MTCL1: variants seen among roughly 807,000 people sequenced by gnomAD.
MTCL1 encodes the protein microtubule cross-linking factor 1.
A neutral mutation model predicts 141.4 loss-of-function variants in MTCL1; 79 were observed. The ratio of observed to expected loss-of-function variants is 0.56; its 90% CI spans 0.47 to 0.67. MTCL1 has a LOEUF of 0.67. Among genes scored for constraint, MTCL1 ranks in the 30% least tolerant of loss-of-function variants. The probability of loss-of-function intolerance (pLI) is 0.00; values close to 1 mark genes in which losing one functional copy is unlikely to be tolerated. For missense variants in MTCL1, 2,177 were observed against 2,113.9 expected (o/e 1.03, Z -0.59); for synonymous variants, 914 against 875.8 (o/e 1.04, Z -0.77).
chr18:8,772,180 C>A (rs1038768964), intron 4 of MTCL1, among the ~76,000 whole-genome samples: 1 of 152,224 alleles, frequency 6.6e-6, no homozygotes, highest in African/African-American at 2.4e-5. Flanking sequence ...TTGTGTAATG[C>A]AGTGGGATAC....
intron 5 of MTCL1, among the ~76,000 whole-genome samples, chr18:8,781,205 A>AGAAT (rs2096531597): frequency 7.3e-6 from 1 of 137,774 alleles, no homozygotes; most frequent in African/African-American, 2.7e-5. Flanking sequence ...AAAAAAAAAA[A>AGAAT]GAATGAATGA....
chr18:8,743,373 TC>T (rs1477907921), intron 4 of MTCL1, among the ~76,000 whole-genome samples: 1 of 152,240 alleles, frequency 6.6e-6, no homozygotes, highest in Non-Finnish European at 1.5e-5. Flanking sequence ...ATAGGTCCAG[TC>T]CTAAGCACAG....
At chr18:8,706,462 G>A (rs2096058674) in exon 1 of MTCL1, 1 of 1,258,676 alleles carries the variant, frequency 7.9e-7, no homozygotes, top group Non-Finnish European at 1.0e-6. Flanking sequence ...CGAGCCCCCA[G>A]CGCTCCTCGC....
intron 10 of MTCL1, 26 bp downstream of exon 9, chr18:8,798,317 G>A (rs747375664): frequency 4.8e-6 from 7 of 1,468,016 alleles, no homozygotes; most frequent in Middle Eastern, 1.9e-4. Context: ...CGAGCCTGTC[G>A]CCCTGCCCAC....
chr18:8,709,041 T>G (rs1204727501), intron 1 of MTCL1, among the ~76,000 whole-genome samples: 1 of 152,190 alleles, frequency 6.6e-6, no homozygotes, highest in Non-Finnish European at 1.5e-5. Context: ...CTACAGGTCG[T>G]GGAGCCTGCC....
chr18:8,741,742 T>A (rs775219152), intron 4 of MTCL1, among the ~76,000 whole-genome samples: 22 of 152,232 alleles, frequency 1.4e-4, no homozygotes, highest in Non-Finnish European at 2.9e-4. Context: ...CGGGAGTTTA[T>A]TTCTCAGTGG....
At chr18:8,824,739 A>G (rs1166023223) in exon 15 of MTCL1, 1 of 1,614,000 alleles carries the variant, frequency 6.2e-7, no homozygotes, top group Admixed American at 1.7e-5. Flanking sequence ...CCAGCGTCTA[A>G]TGGACATCTC....
chr18:8,777,715 C>T, intron 4 of MTCL1, 118 bp from the exon 4 acceptor site: 1 of 798,418 alleles, frequency 1.3e-6, no homozygotes, highest in South Asian at 1.9e-5. Flanking sequence ...TTTCTTGATT[C>T]TGGTGGGAAA....
Position 8,793,161 on chromosome 18 carries a change from CT to C in MTCL1, c.2010+42del, listed in dbSNP as rs1568048945. 1.9e-6 allele frequency: 3 copies of C among 1,607,756 alleles called. No individual in the cohort carries two copies. The Admixed American group carries it at 5.0e-5, about 27-fold the overall frequency. On this transcript the variant is annotated intron_variant, in intron 8 of 16. Coordinates refer to ENST00000359865, the Ensembl canonical transcript of MTCL1. ...GGACTCAGCACAACCGCTTTGTGAA[CT>C]GCAGAGCCCCAAAGGAGAAATGCCA...
intron 4 of MTCL1, 124 bp downstream of exon 3, chr18:8,720,620 C>A: frequency 1.1e-6 from 1 of 885,552 alleles, no homozygotes; most frequent in Non-Finnish European, 1.7e-6. Flanking sequence ...GTTTGTTTGG[C>A]TCATAAGTTA....
At chr18:8,786,304 G>C (rs1184256073) in intron 7 of MTCL1, 14 of 706,784 alleles carry the variant, frequency 2.0e-5, no homozygotes, top group Non-Finnish European at 3.3e-5. Flanking sequence ...GTGCTCGTCA[G>C]ACAGAGGGAC....
At chr18:8,794,949 CA>C (rs1177682640) in intron 8 of MTCL1, among the ~76,000 whole-genome samples, 1 of 152,130 alleles carries the variant, frequency 6.6e-6, no homozygotes, top group Non-Finnish European at 1.5e-5. Context: ...TTCCCCCACC[CA>C]AAAAAAGACC....
rs1409748030 is a variant in MTCL1 at position 8,798,143 on chromosome 18, AG to A, written c.2294del (p.Gly765ValfsTer116). ...TCCAGGCTCGGGGAGCTTGGAGTCC[AG>A]GGGGGTCACCAGGCGGATGGCCCAG... On this transcript the variant is annotated frameshift_variant, in exon 10 of 17. Coordinates refer to ENST00000359865, the Ensembl canonical transcript of MTCL1. LOFTEE classifies it high-confidence loss of function. 3.8e-6 allele frequency: 6 copies of A among 1,595,196 alleles called. No homozygotes were observed. The highest frequency in any genetic ancestry group is 2.3e-5 in the East Asian group (1 of 42,748).
At chr18:8,794,788 TAAGAGAC>T (rs1568051658) in intron 8 of MTCL1, among the ~76,000 whole-genome samples, 1 of 152,236 alleles carries the variant, frequency 6.6e-6, no homozygotes, top group East Asian at 1.9e-4. Context: ...TGTAAATGAC[TAAGAGAC>T]CAGAGACCAG....
chr18:8,744,907 A>T (rs1293533740), intron 4 of MTCL1, among the ~76,000 whole-genome samples: 1 of 152,184 alleles, frequency 6.6e-6, no homozygotes, highest in Non-Finnish European at 1.5e-5. Flanking sequence ...AGGCTTATGC[A>T]GGGAGTGTTT....
chr18:8,748,745 A>C (rs2096355005), intron 4 of MTCL1, among the ~76,000 whole-genome samples: 1 of 152,194 alleles, frequency 6.6e-6, no homozygotes, highest in African/African-American at 2.4e-5. Flanking sequence ...TAATATTAAC[A>C]TGAGTTCAGG....
exon 17 of MTCL1, chr18:8,831,952 C>A: frequency 1.1e-6 from 1 of 895,210 alleles, no homozygotes; most frequent in Non-Finnish European, 1.7e-6. Context: ...AATGTTCAAC[C>A]TGTGAAACTG....
intron 16 of MTCL1, chr18:8,831,305 G>C (rs4798691): frequency 0.12 from 148,632 of 1,196,172 alleles, 9,501 homozygotes; most frequent in South Asian, 0.14. Context: ...CACAGTCACT[G>C]TGTCATGCCT....
intron 4 of MTCL1, among the ~76,000 whole-genome samples, chr18:8,763,508 A>C (rs1467798286): frequency 6.6e-6 from 1 of 152,094 alleles, no homozygotes; most frequent in Non-Finnish European, 1.5e-5. Flanking sequence ...CTTGTGTCAC[A>C]CTCTTATCAG....
Sources: gnomAD v4.1 joint callset for allele counts (sites outside exome capture counted in the v4.1 genomes callset) on GRCh38, gnomAD v4.1.1 for gene constraint, MANE v1.5 for transcripts, NCBI Gene and HGNC (gene_info 2026-07-23, HGNC 2026-07-21) for gene names.